NDRG4: variants seen among roughly 807,000 people sequenced by gnomAD.
The protein encoded by NDRG4 is protein NDRG4.
Under a neutral mutation model 55.8 loss-of-function variants are expected in NDRG4, and 38 were observed. The observed-to-expected ratio is 0.68, with a 90% CI of 0.53 to 0.89. NDRG4 has a LOEUF of 0.89. NDRG4 is among the 40% of genes least tolerant of loss of function. NDRG4 has a pLI of 0.00. For missense variants in NDRG4, 455 were observed against 468.6 expected, an observed-to-expected ratio of 0.97 and a Z score of 0.27; for synonymous variants, 190 against 182.7, an observed-to-expected ratio of 1.04 and a Z score of -0.32.
chr16:58,507,377 G>GAGCC, intron 8 of NDRG4: 1 of 377,424 alleles, frequency 2.6e-6, no homozygotes, highest in East Asian at 4.7e-5. Flanking sequence ...GTGCTCCTTG[G>GAGCC]AGCCCCCTTT....
rs1375635392 is a variant in NDRG4, at chr16:58,471,040, C to T, written c.-24+7243C>T. 5.3e-5 allele frequency among the ~76,000 whole-genome samples: 8 copies of T among 152,150 alleles called. No homozygotes were observed. In the East Asian group the frequency reaches 1.5e-3, roughly 29 times the overall value. ...GGAAGGGGCTACCAGCCAAGGAATG[C>T]AGCTCTGGAAGCTGGAAAAGGCAGG... On this transcript the variant is annotated intron_variant, in intron 1 of 15. Coordinates refer to the NDRG4 transcript ENST00000258187.
At position 58,464,768 on chromosome 16, in the gene NDRG4, C is replaced by T. The variant is rs2151524107; in HGVS notation, c.-24+971C>T. 7.8e-7 allele frequency: 1 copy of T among 1,274,730 alleles called. No individual in the cohort carries two copies. The highest frequency in any genetic ancestry group is 9.9e-7 in the Non-Finnish European group (1 of 1,012,236). 79.0% of individuals were successfully genotyped at this position (1,274,730 alleles called of 1,614,324 possible). ...CCTGAAAGCTAGCTCAGGGCTCCTG[C>T]CCTCCAATCAGTGTCGCTTGTCCCC... On this transcript the variant is annotated intron_variant, in intron 1 of 15. Transcript: ENST00000258187. This position sits in a 1 kb window ranked among gnomAD's most constrained non-coding sequence, Gnocchi z 4.8.
At chr16:58,494,211 A>C (rs1251220607) in intron 2 of NDRG4, among the ~76,000 whole-genome samples, 2 of 152,076 alleles carry the variant, frequency 1.3e-5, no homozygotes, top group African/African-American at 4.8e-5. Context: ...CACTAGCCAG[A>C]CTCAAACGGT....
At chr16:58,508,061 C>T in intron 10 of NDRG4, 62 bp downstream of exon 10, 1 of 1,447,430 alleles carries the variant, frequency 6.9e-7, no homozygotes, top group South Asian at 1.4e-5. Flanking sequence ...TCACTGGCCC[C>T]TGCCCAGCAG....
chr16:58,495,182 G>A (rs562167292), upstream of NDRG4, among the ~76,000 whole-genome samples: 19 of 152,290 alleles, frequency 1.2e-4, no homozygotes, highest in South Asian at 2.5e-3. Context: ...GGGAAGAGAC[G>A]GGGCCTCTAG....
chr16:58,503,309 G>A (rs760788660), intron 1 of NDRG4, among the ~76,000 whole-genome samples: 12 of 152,200 alleles, frequency 7.9e-5, no homozygotes, highest in Admixed American at 5.9e-4. Flanking sequence ...TAGAGTGGGA[G>A]CCAGGGGCAG....
rs200867708 is a variant in NDRG4, at chr16:58,504,690, A to G, written c.372+41A>G. 114 of 1,612,088 alleles carry G rather than the reference A, an allele frequency of 7.1e-5. 1 individual carries two copies. The East Asian group carries it at 2.5e-3, about 35-fold the overall frequency. On this transcript the variant is annotated intron_variant, in intron 5 of 14. Coordinates refer to ENST00000570248, the MANE Select transcript of NDRG4 (RefSeq NM_001242835.2). The stretch of plus-strand genomic sequence containing the variant: ...CCCCCATTACCCCAAACACCAGGGC[A>G]AGCCAGGGATGTCCCAGTGGTGGGG...
chr16:58,499,965 AG>A, upstream of NDRG4: 1 of 630,326 alleles, frequency 1.6e-6, no homozygotes, highest in Non-Finnish European at 2.6e-6. Context: ...GAGCAGTGAC[AG>A]GGCTGGGGCA....
At chr16:58,510,589 A>G in intron 13 of NDRG4, 56 bp from the exon 14 acceptor site, 1 of 1,443,098 alleles carries the variant, frequency 6.9e-7, no homozygotes, top group Non-Finnish European at 9.4e-7. Flanking sequence ...CACGCTCTTC[A>G]CTGTGTTGTG....
At position 58,511,648 on chromosome 16, in the gene NDRG4, T is replaced by TAG. The variant is rs1033009433; in HGVS notation, c.*73_*74dup. Reference sequence around the variant, plus strand: ...TCCTTGCGCCGGCTCATGTTCCCTTTAGTTTATTTTTGTGAGGGCAAAGGG... The same window carrying TAG: ...TCCTTGCGCCGGCTCATGTTCCCTTTAGAGTTTATTTTTGTGAGGGCAAAGGG... On this transcript the variant is annotated 3_prime_UTR_variant, in exon 15 of 15. Coordinates refer to ENST00000570248, the MANE Select transcript of NDRG4 (RefSeq NM_001242835.2). 6.3e-7 allele frequency: 1 copy of TAG among 1,592,308 alleles called. No individual in the cohort carries two copies. Among genetic ancestry groups the TAG allele is most frequent in the African/African-American group, 1.3e-5 (1 of 74,352 alleles).
chr16:58,500,517 G>T (rs980127014), intron 1 of NDRG4: 2 of 505,864 alleles, frequency 4.0e-6, no homozygotes, highest in Admixed American at 3.6e-5. Flanking sequence ...CGTGTGGTTG[G>T]GGGGTGGGTG....
chr16:58,514,515 T>C (rs969385327), downstream of NDRG4, among the ~76,000 whole-genome samples: 9 of 151,986 alleles, frequency 5.9e-5, no homozygotes, highest in African/African-American at 1.4e-4. Flanking sequence ...GGCGGGGGGA[T>C]TGCCTGAGCT....
At position 58,513,418 on chromosome 16, in the gene NDRG4, C is replaced by G. The variant is rs968592803; in HGVS notation, c.*1842C>G. 6.6e-6 allele frequency: 1 copy of G among 152,100 alleles called. No homozygotes were observed. The highest frequency in any genetic ancestry group is 1.5e-5 in the Non-Finnish European group (1 of 68,032). 9.4% of individuals were successfully genotyped at this position (152,100 alleles called of 1,614,324 possible). On this transcript the variant is annotated 3_prime_UTR_variant, in exon 15 of 15. Coordinates refer to ENST00000570248, the MANE Select transcript of NDRG4 (RefSeq NM_001242835.2). ...ACTAATAAAGAACCTAAGAAGAATT[C>G]CAGTGTGGTGATGCCATGCCCATCA... is the stretch of plus-strand genomic sequence containing the variant.
At chr16:58,490,402 C>T (rs1045116729) in intron 2 of NDRG4, among the ~76,000 whole-genome samples, 5 of 152,138 alleles carry the variant, frequency 3.3e-5, no homozygotes, top group Admixed American at 3.3e-4. Flanking sequence ...CTCAGCTGGG[C>T]ACCCTTCTCT....
intron 5 of NDRG4, chr16:58,506,116 T>C: frequency 3.6e-6 from 2 of 562,894 alleles, no homozygotes; most frequent in Non-Finnish European, 6.3e-6. Flanking sequence ...TATTAAGAGC[T>C]GATTCTGTTG....
At chr16:58,482,866 T>G (rs1039135893) in intron 1 of NDRG4, among the ~76,000 whole-genome samples, 1 of 151,814 alleles carries the variant, frequency 6.6e-6, no homozygotes, top group Non-Finnish European at 1.5e-5. Context: ...CACTGCAACC[T>G]CCACCTCCCG....
chr16:58,510,546 C>T, intron 13 of NDRG4, 99 bp from the exon 14 acceptor site: 1 of 1,029,522 alleles, frequency 9.7e-7, no homozygotes, highest in Non-Finnish European at 1.5e-6. Context: ...TCCCATCTCT[C>T]TGGCTCATCT....
chr16:58,509,268 A>G, intron 12 of NDRG4, 33 bp from the exon 13 acceptor site: 7 of 1,614,006 alleles, frequency 4.3e-6, no homozygotes, highest in Non-Finnish European at 5.9e-6. Context: ...CTAGGCAGCC[A>G]ATGAAAGCAT....
Position 58,464,137 on chromosome 16 carries a change from C to G in NDRG4, c.-24+340C>G. ...CGGGGGACCACCTCCCACGGTGTCACCGCACCCACCCCGCGCCCTTCCTCC... is the reference window on the plus strand; with the variant it reads ...CGGGGGACCACCTCCCACGGTGTCAGCGCACCCACCCCGCGCCCTTCCTCC... On this transcript the variant is annotated intron_variant, in intron 1 of 15. Coordinates refer to the NDRG4 transcript ENST00000258187. The surrounding 1 kb of genome is among the most constrained non-coding windows in gnomAD (Gnocchi z 4.8). 2.9e-6 allele frequency: 1 copy of G among 345,420 alleles called. No homozygotes were observed. The highest frequency in any genetic ancestry group is 1.5e-4 in the South Asian group (1 of 6,596). 21.4% of individuals were successfully genotyped at this position (345,420 alleles called of 1,614,324 possible). A position where few individuals can be genotyped will look rare whatever the true frequency, so the allele number is the denominator to read the frequency against.
Sources: allele counts gnomAD v4.1 joint callset (sites outside exome capture counted in the v4.1 genomes callset), GRCh38; gene constraint gnomAD v4.1.1; non-coding constraint Gnocchi (gnomAD v3.1); transcripts MANE v1.5; gene names NCBI Gene and HGNC (gene_info 2026-07-23, HGNC 2026-07-21).